Variants in GNG12 observed in about 807,000 individuals in gnomAD.
GNG12 encodes guanine nucleotide-binding protein G(I)/G(S)/G(O) subunit gamma-12.
For missense variants in GNG12, 69 were observed against 83.8 expected, an observed-to-expected ratio of 0.82 and a Z score of 0.69; for synonymous variants, 28 against 29.7, an observed-to-expected ratio of 0.94 and a Z score of 0.19.
intron 1 of GNG12, among the ~76,000 whole-genome samples, chr1:67,784,334 G>T (rs1646755354): frequency 1.8e-5 from 2 of 113,276 alleles, no homozygotes; most frequent in Admixed American, 1.0e-4. Flanking sequence ...GGGGAGGGGG[G>T]AGGGATAGCA....
intron 1 of GNG12, among the ~76,000 whole-genome samples, chr1:67,795,316 G>A (rs966982434): frequency 4.6e-5 from 7 of 152,064 alleles, no homozygotes; most frequent in Non-Finnish European, 8.8e-5. Context: ...GAAGTCTGAC[G>A]GACACCATGC....
intron 1 of GNG12, among the ~76,000 whole-genome samples, chr1:67,802,864 C>T (rs1214319634): frequency 6.6e-6 from 1 of 152,216 alleles, no homozygotes; most frequent in African/African-American, 2.4e-5. Context: ...TTGTCCTGGA[C>T]ATCTCTGCAC....
chr1:67,806,886 A>G (rs1646896950), intron 1 of GNG12, among the ~76,000 whole-genome samples: 2 of 152,170 alleles, frequency 1.3e-5, no homozygotes, highest in South Asian at 4.1e-4. Flanking sequence ...TTAGGCAGAC[A>G]ATCATTAAAG....
chr1:67,716,736 A>G lies in GNG12; in HGVS notation c.-26-9024T>C, dbSNP rs549776381. ...AATACAGAAGACATGGCCTCCATTCAGGGGTTGCTGTTATTCAGACAGGTT... is the reference window on the plus strand; with the variant it reads ...AATACAGAAGACATGGCCTCCATTCGGGGGTTGCTGTTATTCAGACAGGTT... On this transcript the variant is annotated intron_variant, in intron 2 of 3. Transcript: ENST00000370982. Among the ~76,000 whole-genome samples the G allele has an allele frequency of 1.2e-3, 184 of 152,334 alleles. 1 individual carries two copies. Among genetic ancestry groups the G allele is most frequent in the African/African-American group, 4.3e-3 (178 of 41,572 alleles).
At chr1:67,729,484 A>T (rs1325703785) in intron 2 of GNG12, among the ~76,000 whole-genome samples, 1 of 152,090 alleles carries the variant, frequency 6.6e-6, no homozygotes, top group Non-Finnish European at 1.5e-5. Flanking sequence ...CCCACTCGCA[A>T]CCAGAGGTGA....
intron 2 of GNG12, among the ~76,000 whole-genome samples, chr1:67,755,523 CT>C (rs1440934868): frequency 1.3e-5 from 2 of 152,192 alleles, no homozygotes; most frequent in Non-Finnish European, 2.9e-5. Flanking sequence ...CCAGCATCGT[CT>C]TCCGGCCTCA....
chr1:67,816,190 C>CATACA (rs1397824615), intron 1 of GNG12, among the ~76,000 whole-genome samples: 1 of 152,088 alleles, frequency 6.6e-6, no homozygotes, highest in Non-Finnish European at 1.5e-5. Flanking sequence ...ACATTTTGAG[C>CATACA]TTTCCTCAAG....
chr1:67,772,577 T>C (rs1271973070), intron 2 of GNG12: 3 of 152,186 alleles, frequency 2.0e-5, no homozygotes, highest in Admixed American at 2.0e-4. Context: ...ATTTTTAAAA[T>C]TTATTACATA....
At chr1:67,786,949 G>A (rs373513796) in intron 1 of GNG12, among the ~76,000 whole-genome samples, 59,024 of 117,696 alleles carry the variant, frequency 0.5, 13,064 homozygotes, top group East Asian at 0.63. Flanking sequence ...GTGTGTGTGT[G>A]TGTGTGTGTG....
intron 2 of GNG12, among the ~76,000 whole-genome samples, chr1:67,709,835 T>C (rs1646271254): frequency 7.8e-6 from 1 of 128,886 alleles, no homozygotes; most frequent in African/African-American, 2.9e-5. Flanking sequence ...TAAATATATA[T>C]ATATTTGTAT....
At chr1:67,820,940 C>T (rs1646981301) in intron 1 of GNG12, among the ~76,000 whole-genome samples, 1 of 152,122 alleles carries the variant, frequency 6.6e-6, no homozygotes, top group Admixed American at 6.5e-5. Flanking sequence ...ATTACGTGAC[C>T]ACTATGATAA....
chr1:67,812,345 T>C (rs200428680), intron 1 of GNG12, among the ~76,000 whole-genome samples: 4 of 152,190 alleles, frequency 2.6e-5, no homozygotes, highest in East Asian at 1.9e-4. Flanking sequence ...CCTCTCCTAA[T>C]CTGAGAGAGG....
chr1:67,759,890 G>A (rs1206307952), intron 2 of GNG12, among the ~76,000 whole-genome samples: 2 of 152,138 alleles, frequency 1.3e-5, no homozygotes, highest in Non-Finnish European at 2.9e-5. Flanking sequence ...AGGAGTTCTG[G>A]TGTCCCTCCA....
At chr1:67,710,078 ATATATATATAGTTATATATATAGT>A (rs1272589426) in intron 2 of GNG12, among the ~76,000 whole-genome samples, 2 of 23,084 alleles carry the variant, frequency 8.7e-5, no homozygotes, top group African/African-American at 2.0e-4. Context: ...ATATATAGTT[ATATATATATAGTTATATATATAGT>A]TATATATATA....
intron 1 of GNG12, among the ~76,000 whole-genome samples, chr1:67,816,008 C>G (rs2100814934): frequency 6.6e-6 from 1 of 152,318 alleles, no homozygotes; most frequent in Admixed American, 6.5e-5. Flanking sequence ...GCGGCCGGGG[C>G]TCCATGATTT....
intron 1 of GNG12, among the ~76,000 whole-genome samples, chr1:67,833,094 G>A (rs576087699): frequency 6.6e-6 from 1 of 151,850 alleles, no homozygotes; most frequent in Admixed American, 6.5e-5. Context: ...TTCTGCCTCT[G>A]GGTCTCGGTG....
chr1:67,796,876 G>A (rs1646834271), intron 1 of GNG12, among the ~76,000 whole-genome samples: 4 of 152,154 alleles, frequency 2.6e-5, no homozygotes, highest in Admixed American at 1.3e-4. Context: ...TCTGGTTAGG[G>A]CCTCAGGAGG....
At chr1:67,792,168 C>G (rs540124575) in intron 1 of GNG12, among the ~76,000 whole-genome samples, 1 of 152,234 alleles carries the variant, frequency 6.6e-6, no homozygotes, top group Admixed American at 6.5e-5. Flanking sequence ...ACTCTATTTT[C>G]TATCTATTGA....
Position 67,705,041 on chromosome 1 carries a change from G to A in GNG12, c.*410C>T, listed in dbSNP as rs1013992000. 2.5e-5 allele frequency: 4 copies of A among 160,246 alleles called. No homozygotes were observed. Among genetic ancestry groups the A allele is most frequent in the Admixed American group, 6.2e-5 (1 of 16,096 alleles). 9.9% of individuals were successfully genotyped at this position (160,246 alleles called of 1,614,324 possible). A position where few individuals can be genotyped will look rare whatever the true frequency, so the allele number is the denominator to read the frequency against. On this transcript the variant is annotated 3_prime_UTR_variant, in exon 4 of 4. Transcript: ENST00000370982. Reference sequence around the variant, plus strand: ...TTATATACTATACAGGCTGGCACACGCCTTATAAAGAATATAATATCAAGG... The same window carrying A: ...TTATATACTATACAGGCTGGCACACACCTTATAAAGAATATAATATCAAGG...
Sources: gnomAD v4.1 joint callset for allele counts (sites outside exome capture counted in the v4.1 genomes callset) on GRCh38, gnomAD v4.1.1 for gene constraint, MANE v1.5 for transcripts, NCBI Gene and HGNC (gene_info 2026-07-23, HGNC 2026-07-21) for gene names.